ANGPT1: variants seen among roughly 807,000 people sequenced by gnomAD.
ANGPT1 encodes the protein angiopoietin-1.
A neutral mutation model predicts 62.2 loss-of-function variants in ANGPT1; 17 were observed. The observed-to-expected ratio is 0.27, with a 90% CI of 0.19 to 0.41. The LOEUF (loss-of-function observed/expected upper bound fraction) is 0.41. Ranked by LOEUF, ANGPT1 falls within the 10% of genes least tolerant of loss-of-function variation. The probability of loss-of-function intolerance (pLI) is 1.00; values close to 1 mark genes in which losing one functional copy is unlikely to be tolerated. For missense variants in ANGPT1, 478 were observed against 594.9 expected (o/e 0.80, Z 2.04); for synonymous variants, 199 against 198.9 (o/e 1.00, Z 0.00).
intron 1 of ANGPT1, chr8:107,495,001 T>C (rs956383766): frequency 1.4e-4 from 21 of 152,210 alleles, no homozygotes; most frequent in African/African-American, 5.1e-4. Flanking sequence ...TAATACAAAT[T>C]GCAGTACTGA....
chr8:107,278,768 C>T (rs1813925601), intron 7 of ANGPT1, among the ~76,000 whole-genome samples: 1 of 152,234 alleles, frequency 6.6e-6, no homozygotes, highest in African/African-American at 2.4e-5. Context: ...CCACAAGATG[C>T]TTGACTGCAC....
intron 8 of ANGPT1, among the ~76,000 whole-genome samples, chr8:107,256,002 C>T (rs556061258): frequency 2.0e-5 from 3 of 152,248 alleles, no homozygotes; most frequent in African/African-American, 7.2e-5. Flanking sequence ...GTACAATGTT[C>T]ATGTTATAAA....
At chr8:107,374,602 A>G (rs1291896040) in intron 1 of ANGPT1, among the ~76,000 whole-genome samples, 1 of 152,234 alleles carries the variant, frequency 6.6e-6, no homozygotes, top group Non-Finnish European at 1.5e-5. Flanking sequence ...TATATGGGCT[A>G]CTGGTGGACA....
At chr8:107,300,835 C>T (rs77607125) in intron 5 of ANGPT1, among the ~76,000 whole-genome samples, 101 of 152,050 alleles carry the variant, frequency 6.6e-4, no homozygotes, top group Admixed American at 2.2e-3. Context: ...TTTGTAGAAG[C>T]GTAAGCTTGA....
At chr8:107,406,091 T>A (rs1817142655) in intron 1 of ANGPT1, among the ~76,000 whole-genome samples, 1 of 151,908 alleles carries the variant, frequency 6.6e-6, no homozygotes, top group African/African-American at 2.4e-5. Context: ...CATTAATAAT[T>A]AAAATATAAT....
chr8:107,323,934 C>A (rs1008063810), intron 3 of ANGPT1, among the ~76,000 whole-genome samples: 1 of 151,922 alleles, frequency 6.6e-6, no homozygotes, highest in Non-Finnish European at 1.5e-5. Flanking sequence ...CGCCTGCCAC[C>A]ATGCCCAGCT....
At chr8:107,411,552 GA>G (rs1810581802) in intron 1 of ANGPT1, among the ~76,000 whole-genome samples, 1 of 152,090 alleles carries the variant, frequency 6.6e-6, no homozygotes, top group Admixed American at 6.6e-5. Context: ...TATGCAGATA[GA>G]AAAAATTATA....
chr8:107,417,411 G>A (rs146314661), intron 1 of ANGPT1, among the ~76,000 whole-genome samples: 1 of 152,068 alleles, frequency 6.6e-6, no homozygotes, highest in African/African-American at 2.4e-5. Flanking sequence ...CTATTATCTG[G>A]AACTCTGAGA....
chr8:107,476,356 A>T (rs1812528329), intron 1 of ANGPT1, among the ~76,000 whole-genome samples: 1 of 152,068 alleles, frequency 6.6e-6, no homozygotes, highest in East Asian at 1.9e-4. Flanking sequence ...AACACCGCAT[A>T]TTCTCACTCA....
At chr8:107,398,441 T>C (rs192425313) in intron 1 of ANGPT1, among the ~76,000 whole-genome samples, 154 of 151,970 alleles carry the variant, frequency 1.0e-3, no homozygotes, top group African/African-American at 3.5e-3. Context: ...AGGCAAATCA[T>C]TTATAAGTTT....
At chr8:107,337,627 T>C (rs1815597627) in intron 2 of ANGPT1, among the ~76,000 whole-genome samples, 1 of 152,210 alleles carries the variant, frequency 6.6e-6, no homozygotes, top group Non-Finnish European at 1.5e-5. Context: ...GAAACATTTT[T>C]TAACTACCAC....
chr8:107,266,518 A>G (rs1430994320), intron 7 of ANGPT1, among the ~76,000 whole-genome samples: 2 of 152,206 alleles, frequency 1.3e-5, no homozygotes, highest in African/African-American at 4.8e-5. Context: ...TAAGTGAATG[A>G]TTCCAAAATT....
intron 1 of ANGPT1, among the ~76,000 whole-genome samples, chr8:107,485,503 C>T (rs1185970122): frequency 6.6e-6 from 1 of 151,992 alleles, no homozygotes; most frequent in Non-Finnish European, 1.5e-5. Flanking sequence ...TTTGAGTGGC[C>T]AGGCCTCCAA....
intron 1 of ANGPT1, among the ~76,000 whole-genome samples, chr8:107,441,578 T>G (rs1471656373): frequency 6.6e-6 from 1 of 152,206 alleles, no homozygotes; most frequent in Non-Finnish European, 1.5e-5. Flanking sequence ...CAGATCTTTA[T>G]TTGAATTGCT....
At chr8:107,386,190 CTG>C (rs1292441287) in intron 1 of ANGPT1, among the ~76,000 whole-genome samples, 2 of 152,070 alleles carry the variant, frequency 1.3e-5, no homozygotes, top group African/African-American at 2.4e-5. Context: ...GGGCTAAACA[CTG>C]AGTACATGTG....
At chr8:107,470,647 T>A (rs1346505619) in intron 1 of ANGPT1, among the ~76,000 whole-genome samples, 1 of 152,134 alleles carries the variant, frequency 6.6e-6, no homozygotes, top group African/African-American at 2.4e-5. Flanking sequence ...TAGATCCCAT[T>A]TGTCAATTTT....
chr8:107,358,938 C>T (rs1162070106), intron 1 of ANGPT1, among the ~76,000 whole-genome samples: 3 of 152,154 alleles, frequency 2.0e-5, no homozygotes, highest in African/African-American at 4.8e-5. Context: ...CAAGGTCCCA[C>T]AATCAGAATA....
intron 1 of ANGPT1, 47 bp downstream of exon 1, chr8:107,497,215 G>T: frequency 1.3e-6 from 2 of 1,585,156 alleles, no homozygotes; most frequent in Non-Finnish European, 1.7e-6. Context: ...TGCAGTGCAA[G>T]AAAGGAAAAA....
At chr8:107,420,626 T>A (rs1275097820) in intron 1 of ANGPT1, among the ~76,000 whole-genome samples, 1 of 152,106 alleles carries the variant, frequency 6.6e-6, no homozygotes, top group Non-Finnish European at 1.5e-5. Context: ...TATATAATAC[T>A]CTCCTTATCA....
Sources: gnomAD v4.1 joint callset for allele counts (sites outside exome capture counted in the v4.1 genomes callset) on GRCh38, gnomAD v4.1.1 for gene constraint, MANE v1.5 for transcripts, NCBI Gene and HGNC (gene_info 2026-07-23, HGNC 2026-07-21) for gene names.